Variants in EPM2A observed in about 807,000 individuals in gnomAD.
EPM2A encodes the protein laforin.
Under a neutral mutation model 26.5 loss-of-function variants are expected in EPM2A, and 21 were observed. That is an observed-to-expected ratio of 0.79 (90% CI 0.56 to 1.14). EPM2A has a LOEUF of 1.14. EPM2A is among the 50% of genes most tolerant of loss of function. EPM2A has a pLI of 0.00. For synonymous variants in EPM2A, 217 were observed against 177.6 expected (o/e 1.22, Z -1.76); for missense variants, 458 against 440.8 (o/e 1.04, Z -0.35).
At chr6:145,523,712 C>G (rs1780233617) in intron 2 of EPM2A, among the ~76,000 whole-genome samples, 1 of 152,128 alleles carries the variant, frequency 6.6e-6, no homozygotes, top group Non-Finnish European at 1.5e-5. Flanking sequence ...AAGTAATATC[C>G]TACAATGACC....
rs576763365 is a variant in EPM2A at position 145,403,889 on chromosome 6, C to T, written c.556-19792G>A. 9.6e-4 allele frequency among the ~76,000 whole-genome samples: 146 copies of T among 152,186 alleles called. 1 individual carries two copies. The highest frequency in any genetic ancestry group is 1.6e-3 in the Non-Finnish European group (111 of 67,980). ...AATTTACATTCTCACCAACAGTGTACGAGGGTTCCCTTTTCTCCACATCCT... is the reference window on the plus strand; with the variant it reads ...AATTTACATTCTCACCAACAGTGTATGAGGGTTCCCTTTTCTCCACATCCT... On this transcript the variant is annotated intron_variant, in intron 4 of 4. Coordinates refer to the EPM2A transcript ENST00000638717.
At chr6:145,633,477 G>A (rs573738026) in intron 3 of EPM2A, among the ~76,000 whole-genome samples, 1 of 152,112 alleles carries the variant, frequency 6.6e-6, no homozygotes, top group Admixed American at 6.5e-5. Context: ...CTTAGGTCAG[G>A]TTACCAAGAG....
At chr6:145,402,629 G>T (rs1050694593) in intron 4 of EPM2A, among the ~76,000 whole-genome samples, 3 of 152,016 alleles carry the variant, frequency 2.0e-5, no homozygotes, top group Admixed American at 6.6e-5. Flanking sequence ...AAAGGGTGAA[G>T]GAAAATCATG....
chr6:145,389,459 T>C (rs746586816), intron 4 of EPM2A, among the ~76,000 whole-genome samples: 1 of 152,192 alleles, frequency 6.6e-6, no homozygotes, highest in Non-Finnish European at 1.5e-5. Flanking sequence ...CCCAAAGTGC[T>C]GGAATTACAA....
At chr6:145,451,055 C>A (rs1229346635) in intron 4 of EPM2A, among the ~76,000 whole-genome samples, 1 of 152,192 alleles carries the variant, frequency 6.6e-6, no homozygotes, top group Non-Finnish European at 1.5e-5. Flanking sequence ...CAGCCTCTCA[C>A]TTCAAGAAAA....
At chr6:145,688,126 A>T (rs1781051926) in intron 1 of EPM2A, among the ~76,000 whole-genome samples, 1 of 152,208 alleles carries the variant, frequency 6.6e-6, no homozygotes, top group Non-Finnish European at 1.5e-5. Context: ...ATTTATCATA[A>T]GAGCAACTAA....
chr6:145,705,422 G>A lies in EPM2A; in HGVS notation c.302-19126C>T, dbSNP rs548625189. The A allele has an allele frequency of 1.3e-4, 47 of 369,898 alleles. No homozygotes were observed. In the Middle Eastern group the frequency reaches 1.8e-3, roughly 14 times the overall value. 22.9% of individuals were successfully genotyped at this position (369,898 alleles called of 1,614,324 possible). A position where few individuals can be genotyped will look rare whatever the true frequency, so the allele number is the denominator to read the frequency against. On this transcript the variant is annotated intron_variant, in intron 1 of 3. Transcript: ENST00000367519. ...ACACAAGTTAGCTGGGCATGGTGGC[G>A]CACACACCTGTAGTCTCAGCTACTT...
intron 2 of EPM2A, among the ~76,000 whole-genome samples, chr6:145,566,521 T>G (rs924839504): frequency 3.3e-5 from 5 of 152,162 alleles, no homozygotes; most frequent in African/African-American, 4.8e-5. Flanking sequence ...AGAACAGTAG[T>G]CTCAATTGTC....
intron 4 of EPM2A, among the ~76,000 whole-genome samples, chr6:145,452,593 A>C (rs1199340261): frequency 6.7e-6 from 1 of 149,066 alleles, no homozygotes; most frequent in Non-Finnish European, 1.5e-5. Flanking sequence ...AATGGCGTGA[A>C]CCCAGGAGAC....
At chr6:145,713,299 G>A (rs1270289122) in intron 1 of EPM2A, among the ~76,000 whole-genome samples, 3 of 152,172 alleles carry the variant, frequency 2.0e-5, no homozygotes, top group Admixed American at 6.5e-5. Context: ...CTGGAACAAT[G>A]TCATCTGAGG....
At position 145,519,200 on chromosome 6, in the gene EPM2A, G is replaced by C. The variant is rs75560548; in HGVS notation, c.341-16625C>G. On this transcript the variant is annotated intron_variant, in intron 2 of 3. Transcript: ENST00000450221. Reference sequence around the variant, plus strand: ...TCATCTTCCTTTGGAGAAATATCTTGATAGTTGATTAGGAAAAAAAGCTCT... The same window carrying C: ...TCATCTTCCTTTGGAGAAATATCTTCATAGTTGATTAGGAAAAAAAGCTCT... 4.8e-3 allele frequency among the ~76,000 whole-genome samples: 728 copies of C among 152,254 alleles called. 25 individuals carry two copies. In the East Asian group the frequency reaches 0.087, roughly 18 times the overall value.
chr6:145,459,837 A>G (rs1388490597), intron 4 of EPM2A, among the ~76,000 whole-genome samples: 2 of 152,166 alleles, frequency 1.3e-5, no homozygotes, highest in African/African-American at 4.8e-5. Flanking sequence ...TTCATCCTTT[A>G]TAATCTACTT....
chr6:145,711,358 C>T (rs984555626), intron 1 of EPM2A, among the ~76,000 whole-genome samples: 5 of 152,202 alleles, frequency 3.3e-5, no homozygotes, highest in African/African-American at 1.2e-4. Context: ...TTTCCACACA[C>T]TTGAATGACT....
At chr6:145,698,550 T>C (rs182247222) in intron 1 of EPM2A, among the ~76,000 whole-genome samples, 20 of 151,640 alleles carry the variant, frequency 1.3e-4, no homozygotes, top group African/African-American at 4.8e-4. Flanking sequence ...ACTTCTATGA[T>C]TATAAAAAGA....
chr6:145,567,699 G>C (rs1278519569), intron 2 of EPM2A, among the ~76,000 whole-genome samples: 3 of 152,198 alleles, frequency 2.0e-5, no homozygotes, highest in East Asian at 3.9e-4. Context: ...ACACTGATTG[G>C]AAGGATGAGG....
intron 4 of EPM2A, among the ~76,000 whole-genome samples, chr6:145,429,285 A>C (rs1251635946): frequency 6.6e-6 from 1 of 152,198 alleles, no homozygotes; most frequent in Non-Finnish European, 1.5e-5. Context: ...TCTTAAACAA[A>C]AATCAACTAT....
chr6:145,729,928 C>G (rs921047562), intron 1 of EPM2A, among the ~76,000 whole-genome samples: 1 of 152,148 alleles, frequency 6.6e-6, no homozygotes, highest in African/African-American at 2.4e-5. Context: ...GTGATTAAAT[C>G]ATGGGGGTGG....
At chr6:145,707,395 T>G (rs745421164) in intron 1 of EPM2A, among the ~76,000 whole-genome samples, 1 of 152,192 alleles carries the variant, frequency 6.6e-6, no homozygotes, top group Non-Finnish European at 1.5e-5. Flanking sequence ...AAGTTTAGAC[T>G]TATTTTATAG....
intron 4 of EPM2A, among the ~76,000 whole-genome samples, chr6:145,455,534 G>A (rs1017868935): frequency 2.0e-5 from 3 of 151,944 alleles, no homozygotes; most frequent in Non-Finnish European, 4.4e-5. Flanking sequence ...ATTTTTGTAT[G>A]TTTAGTAGAG....
Sources: allele counts gnomAD v4.1 joint callset (sites outside exome capture counted in the v4.1 genomes callset), GRCh38; gene constraint gnomAD v4.1.1; transcripts MANE v1.5; gene names NCBI Gene and HGNC (gene_info 2026-07-23, HGNC 2026-07-21).